Variants in GPC5 observed in about 807,000 individuals in gnomAD.
GPC5 encodes the protein glypican-5.
Under a neutral mutation model 53.9 loss-of-function variants are expected in GPC5, and 47 were observed. The ratio of observed to expected loss-of-function variants is 0.87; its 90% CI spans 0.69 to 1.11. The LOEUF (loss-of-function observed/expected upper bound fraction) is 1.11, where lower values mean the gene tolerates loss of function less well. Among genes scored for constraint, GPC5 ranks in the 50% most tolerant of loss-of-function variants. The pLI is 0.00. For missense variants in GPC5, 748 were observed against 713.1 expected, an observed-to-expected ratio of 1.05 and a Z score of -0.56; for synonymous variants, 286 against 263.3, an observed-to-expected ratio of 1.09 and a Z score of -0.84.
chr13:92,201,867 C>G (rs1481868928), intron 7 of GPC5, among the ~76,000 whole-genome samples: 1 of 152,096 alleles, frequency 6.6e-6, no homozygotes, highest in African/African-American at 2.4e-5. Flanking sequence ...TCTTTGATGT[C>G]AACAAAATAC....
chr13:91,723,169 A>AT (rs557143578), intron 3 of GPC5, among the ~76,000 whole-genome samples: 66 of 150,554 alleles, frequency 4.4e-4, no homozygotes, highest in South Asian at 2.5e-3. Flanking sequence ...ATTTTTATTT[A>AT]TTTTTTTTTC....
At position 91,531,619 on chromosome 13, in the gene GPC5, A is replaced by G. The variant is rs546971839; in HGVS notation, c.325+82697A>G. Among the ~76,000 whole-genome samples, 38 of 152,328 alleles carry G rather than the reference A, an allele frequency of 2.5e-4. 1 individual carries two copies. Among genetic ancestry groups the G allele is most frequent in the African/African-American group, 7.2e-4 (30 of 41,584 alleles). On this transcript the variant is annotated intron_variant, in intron 2 of 7. Transcript: ENST00000377067. ...TAGGTATACTAGAAAAAGGTAGAAG[A>G]CAAACGTCTTTATACTCAGTTCTTA...
At chr13:92,573,575 C>A (rs1372238331) in intron 7 of GPC5, among the ~76,000 whole-genome samples, 1 of 151,944 alleles carries the variant, frequency 6.6e-6, no homozygotes, top group African/African-American at 2.4e-5. Flanking sequence ...ATTCCTTTCT[C>A]CCGAACAGTG....
intron 6 of GPC5, among the ~76,000 whole-genome samples, chr13:92,079,794 C>T (rs1269391083): frequency 2.0e-5 from 3 of 152,232 alleles, no homozygotes; most frequent in African/African-American, 7.2e-5. Flanking sequence ...TTCCCATGAA[C>T]AAGCCCTAAA....
chr13:92,508,547 CGAGTATG>C (rs919527661), intron 7 of GPC5, among the ~76,000 whole-genome samples: 16 of 151,994 alleles, frequency 1.1e-4, no homozygotes, highest in African/African-American at 3.9e-4. Flanking sequence ...TGAGGAAACA[CGAGTATG>C]GAGACATTAA....
At chr13:92,601,731 C>A (rs1884067374) in intron 7 of GPC5, among the ~76,000 whole-genome samples, 1 of 151,244 alleles carries the variant, frequency 6.6e-6, no homozygotes, top group South Asian at 2.1e-4. Flanking sequence ...ATGATATAGC[C>A]TAGTATTATT....
At position 92,039,836 on chromosome 13, in the gene GPC5, T is replaced by C. The variant is rs533293904; in HGVS notation, c.1402-104994T>C. Among the ~76,000 whole-genome samples the C allele has an allele frequency of 5.9e-5, 9 of 152,306 alleles. No individual in the cohort carries two copies. The East Asian group carries it at 1.7e-3, about 29-fold the overall frequency. ...GTCATATTGGATTAAGGCCAACCCA[T>C]ATGAATTCGTTTTACCTTAATTACC... On this transcript the variant is annotated intron_variant, in intron 6 of 7. Transcript: ENST00000377067.
intron 7 of GPC5, among the ~76,000 whole-genome samples, chr13:92,801,156 G>A (rs1178093844): frequency 6.6e-6 from 1 of 151,260 alleles, no homozygotes; most frequent in Non-Finnish European, 1.5e-5. Flanking sequence ...ATATTGTTAT[G>A]CAACCCATGA....
intron 4 of GPC5, among the ~76,000 whole-genome samples, chr13:91,735,419 G>A (rs1327933695): frequency 6.6e-6 from 1 of 150,958 alleles, no homozygotes; most frequent in Non-Finnish European, 1.5e-5. Context: ...CTGTTAATAA[G>A]TCAGTAGTTG....
intron 2 of GPC5, among the ~76,000 whole-genome samples, chr13:91,609,349 A>G (rs1407110385): frequency 6.6e-6 from 1 of 152,122 alleles, no homozygotes; most frequent in Non-Finnish European, 1.5e-5. Context: ...CAAATGGGAT[A>G]GAACTGTGAA....
intron 1 of GPC5, among the ~76,000 whole-genome samples, chr13:91,422,150 C>T (rs901045080): frequency 6.6e-6 from 1 of 152,174 alleles, no homozygotes; most frequent in African/African-American, 2.4e-5. Context: ...AATAGAAAAC[C>T]TACAAATTCT....
chr13:92,627,020 C>A (rs1885067530), intron 7 of GPC5, among the ~76,000 whole-genome samples: 1 of 152,110 alleles, frequency 6.6e-6, no homozygotes, highest in South Asian at 2.1e-4. Context: ...GAATCCCAAT[C>A]ATAATAAATA....
chr13:92,320,480 G>A (rs988368104), intron 7 of GPC5, among the ~76,000 whole-genome samples: 2 of 152,194 alleles, frequency 1.3e-5, no homozygotes, highest in East Asian at 1.9e-4. Context: ...TCAATGTTAT[G>A]TCATTTTGCT....
At chr13:92,641,927 A>C (rs1179522044) in intron 7 of GPC5, among the ~76,000 whole-genome samples, 1 of 151,982 alleles carries the variant, frequency 6.6e-6, no homozygotes. Flanking sequence ...ATGACTCCTG[A>C]TCAATCAGAT....
chr13:92,433,321 G>T (rs560167008), intron 7 of GPC5, among the ~76,000 whole-genome samples: 1 of 152,286 alleles, frequency 6.6e-6, no homozygotes, highest in South Asian at 2.1e-4. Context: ...GTAGACAAAA[G>T]AGGAGGTTGT....
intron 2 of GPC5, among the ~76,000 whole-genome samples, chr13:91,522,344 G>A (rs931452698): frequency 6.6e-6 from 1 of 152,128 alleles, no homozygotes; most frequent in African/African-American, 2.4e-5. Flanking sequence ...ACGACATCAC[G>A]TTGGAGAGTC....
At chr13:92,811,439 T>G (rs1216670347) in intron 7 of GPC5, among the ~76,000 whole-genome samples, 1 of 151,974 alleles carries the variant, frequency 6.6e-6, no homozygotes, top group Non-Finnish European at 1.5e-5. Context: ...GAAAAAACAT[T>G]CTAGCACCTT....
At chr13:91,514,195 GC>G (rs1885378844) in intron 2 of GPC5, among the ~76,000 whole-genome samples, 3 of 152,222 alleles carry the variant, frequency 2.0e-5, no homozygotes, top group Non-Finnish European at 1.5e-5. Context: ...TATAATAATA[GC>G]ATGTTTAGTT....
intron 5 of GPC5, among the ~76,000 whole-genome samples, chr13:91,887,060 C>T (rs2039331173): frequency 6.6e-6 from 1 of 152,166 alleles, no homozygotes; most frequent in South Asian, 2.1e-4. Context: ...TCCTCATGAG[C>T]CCCTGTGCCC....
Sources: allele counts gnomAD v4.1 joint callset (sites outside exome capture counted in the v4.1 genomes callset), GRCh38; gene constraint gnomAD v4.1.1; transcripts MANE v1.5; gene names NCBI Gene and HGNC (gene_info 2026-07-23, HGNC 2026-07-21).